The following ROBO2 variants were observed in gnomAD, a reference collection of about 807,000 sequenced individuals.
ROBO2 encodes the protein roundabout homolog 2.
In ROBO2, 53 loss-of-function variants were observed where a neutral mutation model predicts 160.8. That is an observed-to-expected ratio of 0.33 (90% CI 0.26 to 0.41). The LOEUF (loss-of-function observed/expected upper bound fraction) is 0.41, where lower values mean the gene tolerates loss of function less well. Ranked by LOEUF, ROBO2 falls within the 10% of genes least tolerant of loss-of-function variation. The probability of loss-of-function intolerance (pLI) is 1.00; values close to 1 mark genes in which losing one functional copy is unlikely to be tolerated. For missense variants in ROBO2, 1,577 were observed against 1,722.4 expected (o/e 0.92, Z 1.49); for synonymous variants, 664 against 611.7 (o/e 1.09, Z -1.26).
chr3:76,829,305 G>A lies in ROBO2; in HGVS notation c.110-268709G>A, dbSNP rs758746974. On this transcript the variant is annotated intron_variant, in intron 2 of 26. Transcript: ENST00000487694. Reference sequence around the variant, plus strand: ...GCTAAGCCCAGTCATATCTTTTCATGTTTCATGTTAGTTGATCTCCTAGTA... The same window carrying A: ...GCTAAGCCCAGTCATATCTTTTCATATTTCATGTTAGTTGATCTCCTAGTA... 2.2e-4 allele frequency among the ~76,000 whole-genome samples: 33 copies of A among 152,042 alleles called. 1 individual carries two copies. Among genetic ancestry groups the A allele is most frequent in the Non-Finnish European group, 3.1e-4 (21 of 68,018 alleles).
intron 2 of ROBO2, among the ~76,000 whole-genome samples, chr3:76,131,530 C>T (rs1256765725): frequency 6.6e-6 from 1 of 152,050 alleles, no homozygotes; most frequent in Non-Finnish European, 1.5e-5. Context: ...AGAGGCTGAA[C>T]CACGGTAGGT....
At chr3:76,351,795 A>G (rs1409595123) in intron 2 of ROBO2, among the ~76,000 whole-genome samples, 2 of 151,968 alleles carry the variant, frequency 1.3e-5, no homozygotes, top group African/African-American at 4.8e-5. Context: ...ACTATTAACT[A>G]TGTGACTTTG....
At chr3:77,536,304 C>T (rs1582786040) in intron 6 of ROBO2, among the ~76,000 whole-genome samples, 1 of 152,250 alleles carries the variant, frequency 6.6e-6, no homozygotes, top group African/African-American at 2.4e-5. Context: ...TTTGTTTTCC[C>T]CTCTGGGAGG....
chr3:76,314,109 C>A (rs1431126980), intron 2 of ROBO2, among the ~76,000 whole-genome samples: 1 of 152,132 alleles, frequency 6.6e-6, no homozygotes, highest in Non-Finnish European at 1.5e-5. Context: ...AGTAGGCCAG[C>A]AAGTTTTCCC....
At chr3:76,515,186 T>C (rs989181911) in intron 2 of ROBO2, among the ~76,000 whole-genome samples, 4 of 152,188 alleles carry the variant, frequency 2.6e-5, no homozygotes, top group Admixed American at 1.3e-4. Context: ...TTTGCAGCTA[T>C]AGTTCTTTTT....
At chr3:76,198,840 C>T (rs1336089339) in intron 2 of ROBO2, among the ~76,000 whole-genome samples, 2 of 152,070 alleles carry the variant, frequency 1.3e-5, no homozygotes, top group African/African-American at 4.8e-5. Context: ...ATGTAAGCCC[C>T]ACTCCCACTT....
intron 2 of ROBO2, among the ~76,000 whole-genome samples, chr3:77,198,363 G>A (rs2082500663): frequency 6.6e-6 from 1 of 152,110 alleles, no homozygotes; most frequent in South Asian, 2.1e-4. Context: ...CTAGGGGAAG[G>A]AAATTTTAGA....
intron 2 of ROBO2, among the ~76,000 whole-genome samples, chr3:76,554,721 T>C (rs541800081): frequency 2.7e-4 from 41 of 152,242 alleles, no homozygotes; most frequent in African/African-American, 9.1e-4. Flanking sequence ...ATGAGAGGCT[T>C]TCAGTATTTA....
intron 12 of ROBO2, 99 bp downstream of exon 13, chr3:77,565,219 C>A: frequency 7.6e-7 from 1 of 1,324,428 alleles, no homozygotes; most frequent in Non-Finnish European, 1.1e-6. Flanking sequence ...GCCTGCATTG[C>A]TTTGTATGAT....
At chr3:76,515,552 CA>C (rs1354450099) in intron 2 of ROBO2, among the ~76,000 whole-genome samples, 6 of 151,596 alleles carry the variant, frequency 4.0e-5, no homozygotes, top group Admixed American at 1.3e-4. Flanking sequence ...TTCATCCATT[CA>C]AATGTGTACA....
chr3:76,374,126 A>G (rs917040579), intron 2 of ROBO2, among the ~76,000 whole-genome samples: 8 of 151,922 alleles, frequency 5.3e-5, no homozygotes, highest in Non-Finnish European at 7.4e-5. Context: ...TCTGAAGACA[A>G]ACTTGTATTC....
intron 1 of ROBO2, among the ~76,000 whole-genome samples, chr3:77,058,898 ATTAG>A (rs2149749364): frequency 6.6e-6 from 1 of 152,232 alleles, no homozygotes; most frequent in East Asian, 1.9e-4. Flanking sequence ...GTTATTGTTA[ATTAG>A]TTAGCACACA....
chr3:76,254,721 TA>T (rs1443859416), intron 2 of ROBO2, among the ~76,000 whole-genome samples: 1 of 141,976 alleles, frequency 7.0e-6, no homozygotes, highest in Non-Finnish European at 1.6e-5. Context: ...TTTATAGACC[TA>T]AATACTCTCT....
intron 2 of ROBO2, among the ~76,000 whole-genome samples, chr3:77,449,873 A>G (rs1167278814): frequency 6.6e-6 from 1 of 152,110 alleles, no homozygotes. Flanking sequence ...TCTGTTAAAA[A>G]CAAGCCACAG....
At chr3:76,496,776 T>C (rs567081010) in intron 2 of ROBO2, among the ~76,000 whole-genome samples, 45 of 152,216 alleles carry the variant, frequency 3.0e-4, no homozygotes, top group Admixed American at 1.4e-3. Context: ...CAGCAAACCA[T>C]TTTACCTATT....
intron 2 of ROBO2, among the ~76,000 whole-genome samples, chr3:76,077,437 C>A (rs188071590): frequency 1.2e-4 from 18 of 152,212 alleles, no homozygotes; most frequent in Non-Finnish European, 2.2e-4. Flanking sequence ...GTGGCAGGCA[C>A]CTGTAGTCCC....
chr3:76,519,517 G>A (rs2081495175), intron 2 of ROBO2, among the ~76,000 whole-genome samples: 1 of 152,156 alleles, frequency 6.6e-6, no homozygotes, highest in Non-Finnish European at 1.5e-5. Context: ...GGTTAAAGGT[G>A]GGTACACGAC....
At chr3:76,763,641 A>G (rs949387821) in intron 2 of ROBO2, among the ~76,000 whole-genome samples, 5 of 151,656 alleles carry the variant, frequency 3.3e-5, no homozygotes, top group African/African-American at 1.2e-4. Flanking sequence ...ATAAAAACCA[A>G]CACAAAGGTC....
chr3:77,494,765 A>G (rs1172871175), intron 5 of ROBO2, among the ~76,000 whole-genome samples: 1 of 119,696 alleles, frequency 8.4e-6, no homozygotes, highest in East Asian at 2.8e-4. Context: ...ATGATTGGAT[A>G]CTTTACTTCA....
Sources: gnomAD v4.1 joint callset for allele counts (sites outside exome capture counted in the v4.1 genomes callset) on GRCh38, gnomAD v4.1.1 for gene constraint, MANE v1.5 for transcripts, NCBI Gene and HGNC (gene_info 2026-07-23, HGNC 2026-07-21) for gene names.